The following ERCC6L variants were observed in gnomAD, a reference collection of about 807,000 sequenced individuals.
ERCC6L encodes ERCC excision repair 6 like, spindle assembly checkpoint helicase.
In ERCC6L, 7 loss-of-function variants were observed where a neutral mutation model predicts 20.1. That is an observed-to-expected ratio of 0.35 (90% CI 0.20 to 0.65). ERCC6L has a LOEUF of 0.65. ERCC6L is among the 30% of genes least tolerant of loss of function. The pLI is 0.69. For missense variants in ERCC6L, 592 were observed against 892.4 expected (o/e 0.66, Z 4.29); for synonymous variants, 278 against 331.3 (o/e 0.84, Z 1.75).
rs201813772 is a variant in ERCC6L at position 72,205,604 on chromosome X, A to G, written c.3163T>C (p.Ser1055Pro). The change falls in exon 2 of 2, where the codon TCT becomes CCT. Residue 1055 changes from serine to proline, a missense_variant. Ser to Pro is a moderately conservative substitution (Grantham distance 74, BLOSUM62 -1). Around this residue, in one of 3 missense-constraint regions of ERCC6L, gnomAD observed 352 missense variants for 402.6 expected, o/e 0.87. Transcript: ENST00000334463. Reference sequence around the variant, plus strand: ...GTTGAAGCATCAAATTGTTTCACAGATGAGAATTGAAAGAGAGATGTGTTG... The same window carrying G: ...GTTGAAGCATCAAATTGTTTCACAGGTGAGAATTGAAAGAGAGATGTGTTG... ...PFNTSLFQFS[S>P]VKQFDASTPK... 1.2e-5 allele frequency: 14 copies of G among 1,211,697 alleles called. No homozygotes were observed. The highest frequency in any genetic ancestry group is 8.9e-6 in the Non-Finnish European group (8 of 895,224).
chrX:72,207,350 G>T lies in ERCC6L; in HGVS notation c.1417C>A (p.Arg473=). ...ACCAGAGTTTGATGTCCCTCATCTC[G>T]CAGCCTCTTAAGTAGGTCCATTAGG... ...IFLMDLLKRL[R]DEGHQTLVFS... Residue 473 remains arginine, a synonymous_variant, in exon 2 of 2, where the codon CGA becomes AGA. Coordinates refer to ENST00000334463, the MANE Select transcript of ERCC6L (RefSeq NM_017669.4). 3.3e-6 allele frequency: 4 copies of T among 1,210,909 alleles called. No individual in the cohort carries two copies. The highest frequency in any genetic ancestry group is 4.5e-6 in the Non-Finnish European group (4 of 895,084).
rs1480930565 is a variant in ERCC6L at position 72,207,375 on chromosome X, GA to G, written c.1391del (p.Phe464SerfsTer2). The part of the protein sequence containing the change: ...TLMEESGKMI[F>X]LMDLLKRLRD... ...GCAGCCTCTTAAGTAGGTCCATTAG[GA>G]ATATCATTTTTCCAGATTCTTCCAT... On this transcript the variant is annotated frameshift_variant, in exon 2 of 2. Coordinates refer to ENST00000334463, the MANE Select transcript of ERCC6L (RefSeq NM_017669.4). LOFTEE classifies it low-confidence loss of function (END_TRUNC). The G allele has an allele frequency of 8.3e-7, 1 of 1,209,315 alleles. No homozygotes were observed. Among genetic ancestry groups the G allele is most frequent in the Non-Finnish European group, 1.1e-6 (1 of 895,076 alleles).
Position 72,206,143 on chromosome X carries a change from G to A in ERCC6L, c.2624C>T (p.Ala875Val). Residue 875 changes from alanine (A) to valine (V), a missense_variant, in exon 2 of 2, where the codon GCT (alanine) becomes GTT (valine). Around this residue, in one of 3 missense-constraint regions of ERCC6L, gnomAD observed 352 missense variants for 402.6 expected, o/e 0.87. Transcript: ENST00000334463. ...FNYVLSKSTKADIGPNLDQLK... is the reference protein window; with the variant it reads ...FNYVLSKSTKVDIGPNLDQLK... Reference sequence around the variant, plus strand: ...TTGATCTAAATTTGGCCCAATATCAGCTTTGGTTGATTTGCTAAGTACATA... The same window carrying A: ...TTGATCTAAATTTGGCCCAATATCAACTTTGGTTGATTTGCTAAGTACATA... 2 of 1,211,774 alleles carry A rather than the reference G, an allele frequency of 1.7e-6. No individual in the cohort carries two copies. Among genetic ancestry groups the A allele is most frequent in the Non-Finnish European group, 2.2e-6 (2 of 895,417 alleles).
intron 1 of ERCC6L, among the ~76,000 whole-genome samples, chrX:72,228,096 C>G (rs1056748586): frequency 3.0e-4 from 34 of 111,912 alleles, no homozygotes; most frequent in African/African-American, 6.5e-4. Flanking sequence ...AAGTTGCTAG[C>G]CAATCGGGAC....
intron 1 of ERCC6L, among the ~76,000 whole-genome samples, chrX:72,231,398 G>T (rs1206523617): frequency 9.0e-6 from 1 of 111,376 alleles, no homozygotes; most frequent in Non-Finnish European, 1.9e-5. Context: ...GTTACCAGAG[G>T]CTGGGGGGAT....
chrX:72,210,386 G>C (rs748373587), intron 1 of ERCC6L, among the ~76,000 whole-genome samples: 48 of 111,110 alleles, frequency 4.3e-4, no homozygotes, highest in South Asian at 1.1e-3. Flanking sequence ...ACCAAGTGTT[G>C]GCAAGGTGTG....
intron 1 of ERCC6L, among the ~76,000 whole-genome samples, chrX:72,213,232 C>T (rs185354570): frequency 1.2e-3 from 138 of 111,641 alleles, no homozygotes; most frequent in Non-Finnish European, 2.0e-3. Context: ...AAGGTGACTA[C>T]ACCTACCTTT....
At chrX:72,228,680 G>A (rs761900283) in intron 1 of ERCC6L, among the ~76,000 whole-genome samples, 1 of 110,996 alleles carries the variant, frequency 9.0e-6, no homozygotes, top group East Asian at 2.8e-4. Flanking sequence ...CTGTTCTATG[G>A]GACCTATGGC....
intron 1 of ERCC6L, among the ~76,000 whole-genome samples, chrX:72,218,219 A>G (rs1364064324): frequency 9.4e-6 from 1 of 106,395 alleles, no homozygotes; most frequent in African/African-American, 3.4e-5. Context: ...GCAGTGAGTC[A>G]AGATCGCACC....
At chrX:72,222,493 C>T (rs1159624863) in intron 1 of ERCC6L, among the ~76,000 whole-genome samples, 2 of 110,860 alleles carry the variant, frequency 1.8e-5, no homozygotes, top group East Asian at 5.6e-4. Context: ...GACAGAACCA[C>T]ATGATTACCT....
At chrX:72,215,772 T>G (rs1426813122) in intron 1 of ERCC6L, among the ~76,000 whole-genome samples, 1 of 111,003 alleles carries the variant, frequency 9.0e-6, no homozygotes, top group African/African-American at 3.3e-5. Context: ...GTCTTTATCT[T>G]TCTGGACCTT....
intron 1 of ERCC6L, among the ~76,000 whole-genome samples, chrX:72,214,069 T>G (rs752702535): frequency 8.9e-6 from 1 of 111,865 alleles, no homozygotes; most frequent in Admixed American, 9.5e-5. Context: ...CATAAAACAT[T>G]TGGATAACAT....
At chrX:72,233,516 T>G (rs1220171680) in intron 1 of ERCC6L, among the ~76,000 whole-genome samples, 2 of 107,695 alleles carry the variant, frequency 1.9e-5, no homozygotes, top group African/African-American at 6.8e-5. Context: ...TGGTCAGGAG[T>G]TCAGGACCAG....
Position 72,206,636 on chromosome X carries a change from C to T in ERCC6L, c.2131G>A (p.Glu711Lys), listed in dbSNP as rs750289131. 3.3e-5 allele frequency: 40 copies of T among 1,209,480 alleles called. No individual in the cohort carries two copies. Among genetic ancestry groups the T allele is most frequent in the Non-Finnish European group, 4.4e-5 (39 of 895,132 alleles). ...VQKAQFLVEF[E>K]SQNKEFLMEQ... Reference sequence around the variant, plus strand: ...ATCAGGAACTCTTTATTTTGAGACTCGAATTCAACGAGGAATTGAGCTTTC... The same window carrying T: ...ATCAGGAACTCTTTATTTTGAGACTTGAATTCAACGAGGAATTGAGCTTTC... Residue 711 changes from glutamate (E) to lysine (K), a missense_variant, in exon 2 of 2, where the codon GAG (glutamate) becomes AAG (lysine). Transcript: ENST00000334463.
At position 72,207,264 on chromosome X, in the gene ERCC6L, A is replaced by C. The variant is rs1258093199; in HGVS notation, c.1503T>G (p.Phe501Leu). 2.5e-6 allele frequency: 3 copies of C among 1,211,815 alleles called. No individual in the cohort carries two copies. Among genetic ancestry groups the C allele is most frequent in the Non-Finnish European group, 3.4e-6 (3 of 895,376 alleles). ...CTGTCCCATCGATTCGCAATGTCTT[A>C]AAGTGCCTATTCTTTAAGAGGCGTT... The part of the protein sequence containing the change: ...IIERLLKNRH[F>L]KTLRIDGTVT... Residue 501 changes from phenylalanine to leucine, a missense_variant, in exon 2 of 2, where the codon TTT becomes TTG. By Grantham distance (22) the Phe-to-Leu change is conservative (BLOSUM62 0). Coordinates refer to ENST00000334463, the MANE Select transcript of ERCC6L (RefSeq NM_017669.4).
At chrX:72,238,305 C>A (rs756178843) in intron 1 of ERCC6L, among the ~76,000 whole-genome samples, 1 of 112,015 alleles carries the variant, frequency 8.9e-6, no homozygotes, top group East Asian at 2.8e-4. Context: ...AATGTTTACT[C>A]ATTTTTCAAC....
At chrX:72,212,231 A>G (rs1307051623) in intron 1 of ERCC6L, among the ~76,000 whole-genome samples, 1 of 110,711 alleles carries the variant, frequency 9.0e-6, no homozygotes, top group East Asian at 2.8e-4. Context: ...AGATCGCACC[A>G]CTACACTCCA....
In ERCC6L at chrX:72,213,704, G is replaced by A. The variant is rs139342468; in HGVS notation, c.69-5006C>T. On this transcript the variant is annotated intron_variant, in intron 1 of 1. Transcript: ENST00000334463. ...CCTGCATGGCTAAGTGCCCGGGTTC[G>A]TCCTAATCCAGCTGAACACTAGTTG... 2.1e-3 allele frequency among the ~76,000 whole-genome samples: 235 copies of A among 112,046 alleles called. 1 individual carries two copies. Among genetic ancestry groups the A allele is most frequent in the African/African-American group, 6.8e-3 (211 of 30,849 alleles).
At chrX:72,230,122 C>G (rs1490720710) in intron 1 of ERCC6L, among the ~76,000 whole-genome samples, 1 of 109,316 alleles carries the variant, frequency 9.1e-6, no homozygotes, top group African/African-American at 3.3e-5. Flanking sequence ...TTGCAGTGAG[C>G]CGAGATTGCG....
Sources: allele counts gnomAD v4.1 joint callset (sites outside exome capture counted in the v4.1 genomes callset), GRCh38; gene constraint gnomAD v4.1.1; regional missense constraint gnomAD v4.1.1; transcripts MANE v1.5; gene names NCBI Gene and HGNC (gene_info 2026-07-23, HGNC 2026-07-21).